OSMR: variants seen among roughly 807,000 people sequenced by gnomAD.
OSMR encodes oncostatin-M-specific receptor subunit beta.
OSMR carries 81 observed loss-of-function variants against 99.9 expected under a neutral mutation model. The observed-to-expected ratio is 0.81, with a 90% CI of 0.68 to 0.97. The LOEUF (loss-of-function observed/expected upper bound fraction) is 0.97. OSMR is among the 50% of genes least tolerant of loss of function. OSMR has a pLI of 0.00. For synonymous variants in OSMR, 406 were observed against 410.4 expected, an observed-to-expected ratio of 0.99 and a Z score of 0.13; for missense variants, 1,099 against 1,153.4, an observed-to-expected ratio of 0.95 and a Z score of 0.68.
intron 3 of OSMR, among the ~76,000 whole-genome samples, chr5:38,880,486 C>T (rs1743192161): frequency 6.6e-6 from 1 of 152,120 alleles, no homozygotes; most frequent in African/African-American, 2.4e-5. Flanking sequence ...ATGCTAGAGT[C>T]ACAGCTGATA....
intron 12 of OSMR, among the ~76,000 whole-genome samples, chr5:38,922,024 A>G (rs562452878): frequency 1.3e-5 from 2 of 152,242 alleles, no homozygotes; most frequent in Non-Finnish European, 2.9e-5. Flanking sequence ...ACTGATTTTC[A>G]TAAACTTGTT....
chr5:38,895,954 T>A (rs1744482176), intron 7 of OSMR, among the ~76,000 whole-genome samples: 1 of 152,022 alleles, frequency 6.6e-6, no homozygotes, highest in African/African-American at 2.4e-5. Context: ...AAAAAATAAG[T>A]TTACTGTAGA....
At chr5:38,861,176 T>C (rs148724036) in intron 1 of OSMR, among the ~76,000 whole-genome samples, 5,762 of 152,198 alleles carry the variant, frequency 0.038, 199 homozygotes, top group African/African-American at 0.086. Flanking sequence ...AGAGGGGGAT[T>C]TGGCAGGGTC....
chr5:38,904,067 T>C, intron 8 of OSMR, 43 bp downstream of exon 8: 4 of 1,610,104 alleles, frequency 2.5e-6, no homozygotes, highest in Non-Finnish European at 3.4e-6. Flanking sequence ...AATTCTTTTT[T>C]TGTCCTGAAC....
chr5:38,893,945 C>CA (rs1744322865), intron 7 of OSMR, among the ~76,000 whole-genome samples: 1 of 152,110 alleles, frequency 6.6e-6, no homozygotes, highest in Admixed American at 6.5e-5. Context: ...AGATCACATA[C>CA]AAAGGGACCC....
chr5:38,944,412 A>G (rs764072971), intron 2 of OSMR: 2 of 1,578,156 alleles, frequency 1.3e-6, no homozygotes, highest in East Asian at 4.5e-5. Context: ...AAAACAGAAT[A>G]AACAAATAAT....
chr5:38,882,932 A>G (rs866744449), intron 4 of OSMR, among the ~76,000 whole-genome samples: 1 of 152,210 alleles, frequency 6.6e-6, no homozygotes. Flanking sequence ...TCCAACCCAG[A>G]CAGTCTGGCT....
intron 1 of OSMR, among the ~76,000 whole-genome samples, chr5:38,856,232 C>T (rs1561331760): frequency 6.6e-6 from 1 of 152,194 alleles, no homozygotes; most frequent in Non-Finnish European, 1.5e-5. Context: ...ACTGCATCAG[C>T]CATGAGGAAG....
chr5:38,857,816 T>A (rs1740974864), intron 1 of OSMR, among the ~76,000 whole-genome samples: 2 of 151,980 alleles, frequency 1.3e-5, no homozygotes, highest in Admixed American at 6.6e-5. Context: ...TATGGAGGCG[T>A]GCCACCATGC....
chr5:38,907,460 C>G (rs537542646), intron 9 of OSMR, among the ~76,000 whole-genome samples: 24 of 152,336 alleles, frequency 1.6e-4, no homozygotes, highest in Admixed American at 1.1e-3. Context: ...ACAAATCCCC[C>G]AAGCCTTGCC....
intron 10 of OSMR, 79 bp from the exon 11 acceptor site, chr5:38,918,761 C>T: frequency 6.4e-7 from 1 of 1,572,678 alleles, no homozygotes; most frequent in East Asian, 2.4e-5. Flanking sequence ...AGTTGAGGGA[C>T]AGAAAAGATG....
At chr5:38,900,778 G>A (rs918485072) in intron 7 of OSMR, among the ~76,000 whole-genome samples, 3 of 152,138 alleles carry the variant, frequency 2.0e-5, no homozygotes, top group Non-Finnish European at 4.4e-5. Flanking sequence ...TTTGTGTAAG[G>A]TTGTGTTGAC....
intron 9 of OSMR, among the ~76,000 whole-genome samples, chr5:38,911,260 C>A (rs1413653874): frequency 6.6e-6 from 1 of 152,048 alleles, no homozygotes; most frequent in Non-Finnish European, 1.5e-5. Flanking sequence ...ACCACTTGAC[C>A]CCATAGAAAC....
chr5:38,911,453 C>A (rs1478608631), intron 9 of OSMR, among the ~76,000 whole-genome samples: 3 of 152,152 alleles, frequency 2.0e-5, no homozygotes, highest in Non-Finnish European at 4.4e-5. Context: ...AGCCCAGGAC[C>A]AGATGCATTC....
chr5:38,929,317 TTTG>T (rs1351553868), intron 15 of OSMR, among the ~76,000 whole-genome samples: 3 of 152,186 alleles, frequency 2.0e-5, no homozygotes, highest in Admixed American at 2.0e-4. Context: ...TGTAAATTGG[TTTG>T]TTAACTTTTT....
At chr5:38,851,107 A>T (rs1740313888) in intron 1 of OSMR, among the ~76,000 whole-genome samples, 1 of 152,184 alleles carries the variant, frequency 6.6e-6, no homozygotes, top group African/African-American at 2.4e-5. Flanking sequence ...AACACTGTCA[A>T]CTAGTTTAAT....
At chr5:38,924,699 C>T in intron 14 of OSMR, 104 bp downstream of exon 14, 1 of 1,018,730 alleles carries the variant, frequency 9.8e-7, no homozygotes, top group Non-Finnish European at 1.5e-6. Flanking sequence ...GGCTGAATTC[C>T]CTTCTTGCAT....
chr5:38,906,686 TAACTTA>T (rs1424195317), intron 9 of OSMR, among the ~76,000 whole-genome samples: 2 of 152,202 alleles, frequency 1.3e-5, no homozygotes, highest in Non-Finnish European at 1.5e-5. Context: ...TGGCCACCTT[TAACTTA>T]AAGTATAAAG....
intron 7 of OSMR, among the ~76,000 whole-genome samples, chr5:38,899,619 G>C (rs1744764668): frequency 6.6e-6 from 1 of 152,180 alleles, no homozygotes; most frequent in African/African-American, 2.4e-5. Context: ...TAGTCAGCAG[G>C]TTATGGGTCC....
Sources: gnomAD v4.1 joint callset for allele counts (sites outside exome capture counted in the v4.1 genomes callset) on GRCh38, gnomAD v4.1.1 for gene constraint, MANE v1.5 for transcripts, NCBI Gene and HGNC (gene_info 2026-07-23, HGNC 2026-07-21) for gene names.